Variants in CACNA1B observed in about 807,000 individuals in gnomAD.
CACNA1B encodes the protein voltage-dependent N-type calcium channel subunit alpha-1B.
A neutral mutation model predicts 247.2 loss-of-function variants in CACNA1B; 70 were observed. That is an observed-to-expected ratio of 0.28 (90% CI 0.23 to 0.35). The LOEUF is 0.35. Ranked by LOEUF, CACNA1B falls within the 10% of genes least tolerant of loss-of-function variation. CACNA1B has a pLI of 1.00. For missense variants in CACNA1B, 2,367 were observed against 3,197.4 expected (o/e 0.74, Z 6.26); for synonymous variants, 1,231 against 1,294.4 (o/e 0.95, Z 1.05).
rs1959632934 is a variant in CACNA1B at position 138,059,338 on chromosome 9, G to T, written c.4584+149G>T. On this transcript the variant is annotated intron_variant, in intron 30 of 46. Transcript: ENST00000371372. The surrounding 1 kb of genome is among the most constrained non-coding windows in gnomAD (Gnocchi z 4.2). ...ATGCTACAGGGGCCCTGGGGAAGGG[G>T]CTGTTCTGAGACTCTTGGCTACATA... 12 of 637,054 alleles carry T rather than the reference G, an allele frequency of 1.9e-5. No homozygotes were observed. The South Asian group carries it at 2.0e-4, about 11-fold the overall frequency. The allele number at this position is 637,054 out of a possible 1,614,324, so 39.5% of individuals were successfully genotyped here. A position where few individuals can be genotyped will look rare whatever the true frequency, so the allele number is the denominator to read the frequency against.
At position 137,950,869 on chromosome 9, in the gene CACNA1B, C is replaced by T. The variant is rs1454853918; in HGVS notation, c.967-1405C>T. On this transcript the variant is annotated intron_variant, in intron 6 of 46. Transcript: ENST00000371372. The surrounding 1 kb of genome is among the most constrained non-coding windows in gnomAD (Gnocchi z 4.8). ...TGAATAATTTTCAGTATGTTAATTC[C>T]ACCTAGTGGGAACAATATGGCAGAG... 2.0e-5 allele frequency among the ~76,000 whole-genome samples: 3 copies of T among 152,176 alleles called. No individual in the cohort carries two copies. Among genetic ancestry groups the T allele is most frequent in the Non-Finnish European group, 4.4e-5 (3 of 68,042 alleles).
At chr9:137,927,363 C>T (rs1196926518) in intron 6 of CACNA1B, among the ~76,000 whole-genome samples, 1 of 151,970 alleles carries the variant, frequency 6.6e-6, no homozygotes, top group South Asian at 2.1e-4. Flanking sequence ...GCTGGGATTA[C>T]AGGCATCTGC....
intron 36 of CACNA1B, among the ~76,000 whole-genome samples, chr9:138,096,183 C>T (rs1961049414): frequency 6.6e-6 from 1 of 152,072 alleles, no homozygotes; most frequent in Non-Finnish European, 1.5e-5. Context: ...TCACGGATTT[C>T]ATGGAAGGCC....
chr9:137,953,374 T>A (rs914594153), intron 7 of CACNA1B, among the ~76,000 whole-genome samples: 5 of 152,156 alleles, frequency 3.3e-5, no homozygotes, highest in African/African-American at 1.2e-4. Flanking sequence ...AGGCTGGGGA[T>A]AGAGCCTGGT....
intron 11 of CACNA1B, among the ~76,000 whole-genome samples, chr9:137,975,694 TCACCA>T (rs1005547659): frequency 1.3e-5 from 2 of 152,192 alleles, no homozygotes; most frequent in Non-Finnish European, 2.9e-5. Flanking sequence ...CACTAGGGAC[TCACCA>T]CCTTTCAGAC....
chr9:137,889,821 C>T (rs1957071933), intron 3 of CACNA1B, among the ~76,000 whole-genome samples: 1 of 148,416 alleles, frequency 6.7e-6, no homozygotes, highest in South Asian at 2.1e-4. Context: ...CTGGCTGGGT[C>T]CTTATGGAGG....
chr9:137,959,639 C>T (rs1235688112), intron 10 of CACNA1B, among the ~76,000 whole-genome samples: 2 of 152,016 alleles, frequency 1.3e-5, no homozygotes, highest in Non-Finnish European at 2.9e-5. Flanking sequence ...TAGGAAATCG[C>T]CCCGTTCTCA....
intron 20 of CACNA1B, among the ~76,000 whole-genome samples, chr9:138,041,469 T>C (rs939723673): frequency 6.6e-6 from 1 of 152,230 alleles, no homozygotes; most frequent in African/African-American, 2.4e-5. Flanking sequence ...TTTTTTTAAC[T>C]ATTAAGTCTT....
In CACNA1B at chr9:138,082,446, G is replaced by A. The variant is rs143201704; in HGVS notation, c.5094+4188G>A. Reference sequence around the variant, plus strand: ...ATGATGTACAGAAAATGGAAGTGAGGTACAGAAACAGTTGATTGGTTACAG... The same window carrying A: ...ATGATGTACAGAAAATGGAAGTGAGATACAGAAACAGTTGATTGGTTACAG... On this transcript the variant is annotated intron_variant, in intron 36 of 46. Coordinates refer to ENST00000371372, the MANE Select transcript of CACNA1B (RefSeq NM_000718.4). 3.2e-4 allele frequency among the ~76,000 whole-genome samples: 49 copies of A among 151,304 alleles called. 8 individuals are homozygous for A. The East Asian group carries it at 9.1e-3, about 28-fold the overall frequency.
Position 138,043,623 on chromosome 9 carries a change from C to T in CACNA1B, c.3287-151C>T, listed in dbSNP as rs7865267. ...GGCTGTCGTGCGCCACGGTCATGTA[C>T]GTGAAGCACTGTTCTTAGCTGCTTG... is the stretch of plus-strand genomic sequence containing the variant. On this transcript the variant is annotated intron_variant, in intron 20 of 46. Transcript: ENST00000371372. The T allele has an allele frequency of 0.067, 51,670 of 770,784 alleles. 9,657 individuals are homozygous for T. Among genetic ancestry groups the T allele is most frequent in the African/African-American group, 0.54 (30,438 of 56,804 alleles). The allele number at this position is 770,784 out of a possible 1,614,324, so 47.7% of individuals were successfully genotyped here.
rs529766250 is a variant in CACNA1B at position 137,954,979 on chromosome 9, G to A, written c.1071-719G>A. Among the ~76,000 whole-genome samples the A allele has an allele frequency of 1.3e-5, 2 of 152,090 alleles. No homozygotes were observed. The highest frequency in any genetic ancestry group is 4.2e-4 in the South Asian group (2 of 4,796). On this transcript the variant is annotated intron_variant, in intron 7 of 46. Transcript: ENST00000371372. The surrounding 1 kb of genome is among the most constrained non-coding windows in gnomAD (Gnocchi z 4.1). ...AGCTTGGCCAGGAGGCTGGGGCTGG[G>A]CTGGGGATGCTGAGCTGGAAGGGCA...
chr9:137,904,651 A>G (rs1487278967), intron 3 of CACNA1B, among the ~76,000 whole-genome samples: 2 of 151,938 alleles, frequency 1.3e-5, no homozygotes, highest in Non-Finnish European at 2.9e-5. Context: ...TACAGGTGTG[A>G]GCCACTGCAC....
rs1033315369 is a variant in CACNA1B, at chr9:138,051,481, C to T, written c.3711-611C>T. 6.6e-6 allele frequency among the ~76,000 whole-genome samples: 1 copy of T among 150,508 alleles called. No homozygotes were observed. Among genetic ancestry groups the T allele is most frequent in the African/African-American group, 2.4e-5 (1 of 40,968 alleles). On this transcript the variant is annotated intron_variant, in intron 24 of 46. Coordinates refer to ENST00000371372, the MANE Select transcript of CACNA1B (RefSeq NM_000718.4). This position sits in a 1 kb window ranked among gnomAD's most constrained non-coding sequence, Gnocchi z 4.3. The stretch of plus-strand genomic sequence containing the variant: ...CCTCCCTCCCTCCCTCCCTCCTTCC[C>T]TCCCTCTCCCCTTGTTTGTCTTAGT...
rs191510540 is a variant in CACNA1B, at chr9:137,968,515, G to A, written c.1334-2868G>A. ...GAGGGCCAGGGGTGACAGCCATTAG[G>A]GCCTCCATCAGCTCGTGCTTTAGCC... On this transcript the variant is annotated intron_variant, in intron 10 of 46. Coordinates refer to ENST00000371372, the MANE Select transcript of CACNA1B (RefSeq NM_000718.4). Among the ~76,000 whole-genome samples, 3 of 152,344 alleles carry A rather than the reference G, an allele frequency of 2.0e-5. No homozygotes were observed. The East Asian group carries it at 5.8e-4, about 29-fold the overall frequency.
chr9:138,015,069 C>G lies in CACNA1B; in HGVS notation c.2267+1834C>G, dbSNP rs576808551. On this transcript the variant is annotated intron_variant, in intron 18 of 46. Coordinates refer to ENST00000371372, the MANE Select transcript of CACNA1B (RefSeq NM_000718.4). ...AGAGCTTCTTTTTTCCCGGGGGACC[C>G]CTAGGTGTTCTGCCTCACGGTGGGT... Among the ~76,000 whole-genome samples, 30 of 152,232 alleles carry G rather than the reference C, an allele frequency of 2.0e-4. No homozygotes were observed. In the Middle Eastern group the frequency reaches 0.01, roughly 52 times the overall value.
In CACNA1B at chr9:138,114,382, T is replaced by A. The variant is rs1156248688; in HGVS notation, c.5541T>A (p.Asp1847Glu). 1.3e-6 allele frequency: 2 copies of A among 1,517,950 alleles called. No homozygotes were observed. The highest frequency in any genetic ancestry group is 1.2e-5 in the South Asian group (1 of 85,598). 94.0% of individuals were successfully genotyped at this position (1,517,950 alleles called of 1,614,324 possible). Reference protein sequence around the residue: ...LDLLVPPHKPDEMTVGKVYAA... With the variant: ...LDLLVPPHKPEEMTVGKVYAA... ...AACTCCTGTGTTCTTTTCCAGCTGATGAGATGACAGTGGGGAAGGTTTATG... is the reference window on the plus strand; with the variant it reads ...AACTCCTGTGTTCTTTTCCAGCTGAAGAGATGACAGTGGGGAAGGTTTATG... The change falls in exon 41 of 47, where the codon GAT becomes GAA. Residue 1847 changes from aspartate to glutamate, a missense_variant. Asp to Glu is a conservative substitution (Grantham distance 45, BLOSUM62 2). Around this residue, in one of 12 missense-constraint regions of CACNA1B, gnomAD observed 773 missense variants for 779.4 expected, o/e 0.99. Transcript: ENST00000371372.
At chr9:137,915,611 C>T (rs185808804) in intron 5 of CACNA1B, among the ~76,000 whole-genome samples, 11 of 151,962 alleles carry the variant, frequency 7.2e-5, no homozygotes, top group Admixed American at 1.3e-4. Flanking sequence ...GAATTTAGAT[C>T]GTTCGTGATT....
intron 10 of CACNA1B, among the ~76,000 whole-genome samples, chr9:137,959,209 A>T (rs1957983289): frequency 6.6e-6 from 1 of 151,988 alleles, no homozygotes; most frequent in South Asian, 2.1e-4. Flanking sequence ...AGTAGCTGGG[A>T]TTATAGGCAT....
In CACNA1B at chr9:138,113,305, A is replaced by G. The variant is rs72502736; in HGVS notation, c.5536+800A>G. ...ATGAGGGAGCACAATGAGGTGCCCA[A>G]CTCCATCTTGTGGGAGACGTGAGGG... On this transcript the variant is annotated intron_variant, in intron 40 of 46. Coordinates refer to ENST00000371372, the MANE Select transcript of CACNA1B (RefSeq NM_000718.4). Among the ~76,000 whole-genome samples the G allele has an allele frequency of 2.7e-3, 384 of 139,910 alleles. 5 individuals carry two copies. In the East Asian group the frequency reaches 0.037, roughly 14 times the overall value. The allele number at this position is 139,910 out of a possible 152,430, so 91.8% of individuals were successfully genotyped here. A position where few individuals can be genotyped will look rare whatever the true frequency, so the allele number is the denominator to read the frequency against.
Sources: gnomAD v4.1 joint callset for allele counts (sites outside exome capture counted in the v4.1 genomes callset) on GRCh38, gnomAD v4.1.1 for gene constraint, gnomAD v4.1.1 regional missense constraint, Gnocchi (gnomAD v3.1) non-coding constraint, MANE v1.5 for transcripts, NCBI Gene and HGNC (gene_info 2026-07-23, HGNC 2026-07-21) for gene names.